COL21A1: variants seen among roughly 807,000 people sequenced by gnomAD.
COL21A1 encodes collagen type XXI alpha 1 chain, also known as collagen alpha-1(XXI) chain.
In COL21A1, 149 loss-of-function variants were observed where a neutral mutation model predicts 137.9. The ratio of observed to expected loss-of-function variants is 1.08; its 90% confidence interval spans 0.95 to 1.24. The LOEUF is 1.24. COL21A1 is among the 50% of genes most tolerant of loss of function. The probability of loss-of-function intolerance (pLI) is 0.00; values close to 1 mark genes in which losing one functional copy is unlikely to be tolerated. For synonymous variants in COL21A1, 456 were observed against 391.5 expected, an observed-to-expected ratio of 1.16 and a Z score of -1.95; for missense variants, 1,167 against 1,158.4, an observed-to-expected ratio of 1.01 and a Z score of -0.11.
rs536232093 is a variant in COL21A1, at chr6:56,100,397, T to G, written c.1812+1075A>C. On this transcript the variant is annotated intron_variant, in intron 17 of 29. Transcript: ENST00000244728. ...AATGTTTTTACAATTTTTAAAAATT[T>G]CCTACGTAAGCTTCACAACAACCCT... Among the ~76,000 whole-genome samples, 184 of 152,294 alleles carry G rather than the reference T, an allele frequency of 1.2e-3. 4 individuals are homozygous for G. Among genetic ancestry groups the G allele is most frequent in the Non-Finnish European group, 2.0e-3 (138 of 68,012 alleles).
At position 56,141,944 on chromosome 6, in the gene COL21A1, A is replaced by T; in HGVS notation, c.1474T>A (p.Ser492Thr). Residue 492 changes from serine (S) to threonine (T), a missense_variant, in exon 11 of 30, where the codon TCT becomes ACT. By Grantham distance (58) the Ser-to-Thr change is moderately conservative (BLOSUM62 1). Coordinates refer to ENST00000244728, the MANE Select transcript of COL21A1 (RefSeq NM_030820.4). Reference sequence around the variant, plus strand: ...GGATCACATACTTGTATTCCTGGAGATCCTGGAACACCTGGTGTCCCTGCA... The same window carrying T: ...GGATCACATACTTGTATTCCTGGAGTTCCTGGAACACCTGGTGTCCCTGCA... ...GIAGTPGVPG[S>T]PGIQGARGLP... The T allele has an allele frequency of 6.5e-7, 1 of 1,546,094 alleles. No homozygotes were observed.
chr6:56,105,710 A>T (rs763511140), intron 16 of COL21A1, among the ~76,000 whole-genome samples: 5 of 152,210 alleles, frequency 3.3e-5, no homozygotes, highest in Admixed American at 1.3e-4. Flanking sequence ...CTGTGAAAGG[A>T]TAAATTTTTT....
At chr6:56,354,131 A>T (rs958909963) in intron 1 of COL21A1, among the ~76,000 whole-genome samples, 1 of 152,236 alleles carries the variant, frequency 6.6e-6, no homozygotes, top group Non-Finnish European at 1.5e-5. Flanking sequence ...CAGACATTAA[A>T]AAGAACAAAC....
chr6:56,277,147 T>C (rs534118423), intron 1 of COL21A1, among the ~76,000 whole-genome samples: 3 of 152,112 alleles, frequency 2.0e-5, no homozygotes, highest in East Asian at 3.9e-4. Flanking sequence ...TGTTTTTTTG[T>C]TTTGTTTTGT....
At chr6:56,298,326 G>A (rs1764205841) in intron 1 of COL21A1, among the ~76,000 whole-genome samples, 1 of 152,076 alleles carries the variant, frequency 6.6e-6, no homozygotes, top group Admixed American at 6.6e-5. Context: ...TAAATGGAAT[G>A]CAGTTAAGTC....
intron 1 of COL21A1, among the ~76,000 whole-genome samples, chr6:56,244,866 G>A (rs571027436): frequency 6.6e-6 from 1 of 152,122 alleles, no homozygotes. Flanking sequence ...ATTTTCACTA[G>A]ATCTACTTGG....
At chr6:56,060,428 G>T in intron 27 of COL21A1, 1 of 517,728 alleles carries the variant, frequency 1.9e-6, no homozygotes. Flanking sequence ...CTTAAAATAG[G>T]GGAAAAAGTG....
At chr6:56,155,655 G>A (rs1775684841) in intron 10 of COL21A1, among the ~76,000 whole-genome samples, 1 of 152,118 alleles carries the variant, frequency 6.6e-6, no homozygotes, top group Non-Finnish European at 1.5e-5. Context: ...CACCCAGGCT[G>A]GCATGATCTC....
rs548546474 is a variant in COL21A1, at chr6:56,102,916, T to C, written c.1759-1391A>G. 2.8e-3 allele frequency among the ~76,000 whole-genome samples: 429 copies of C among 152,228 alleles called. 3 individuals are homozygous for C. Among genetic ancestry groups the C allele is most frequent in the African/African-American group, 9.8e-3 (408 of 41,542 alleles). On this transcript the variant is annotated intron_variant, in intron 16 of 29. Coordinates refer to ENST00000244728, the MANE Select transcript of COL21A1 (RefSeq NM_030820.4). ...GGGAGAGAAGTTACTGCTAATCCAA[T>C]AGCTCTACAGAAAAGCATATAAAAA...
At chr6:56,255,820 G>C (rs1421383232) in intron 1 of COL21A1, among the ~76,000 whole-genome samples, 1 of 152,156 alleles carries the variant, frequency 6.6e-6, no homozygotes, top group African/African-American at 2.4e-5. Flanking sequence ...AATGTACCTG[G>C]TAAGGTCCAA....
intron 1 of COL21A1, among the ~76,000 whole-genome samples, chr6:56,277,365 A>T (rs1017470661): frequency 1.3e-5 from 2 of 152,114 alleles, no homozygotes; most frequent in African/African-American, 4.8e-5. Flanking sequence ...TCATTGCTCA[A>T]TTCCCACCTA....
intron 1 of COL21A1, among the ~76,000 whole-genome samples, chr6:56,237,137 A>AG (rs1430835323): frequency 3.1e-5 from 2 of 63,698 alleles, no homozygotes; most frequent in Admixed American, 2.6e-4. Flanking sequence ...AAAATTCGAA[A>AG]GGAAAAAAAG....
intron 1 of COL21A1, among the ~76,000 whole-genome samples, chr6:56,189,628 G>A (rs1280839584): frequency 1.3e-5 from 2 of 152,054 alleles, no homozygotes; most frequent in East Asian, 3.9e-4. Flanking sequence ...ACACCACAAA[G>A]ATACTCCTCG....
At chr6:56,237,796 T>G (rs1392817904) in intron 1 of COL21A1, among the ~76,000 whole-genome samples, 1 of 152,102 alleles carries the variant, frequency 6.6e-6, no homozygotes, top group Non-Finnish European at 1.5e-5. Context: ...AACTGGACAT[T>G]CATTTAATTA....
At chr6:56,214,934 G>A (rs1007601821) in intron 1 of COL21A1, among the ~76,000 whole-genome samples, 1 of 152,042 alleles carries the variant, frequency 6.6e-6, no homozygotes, top group African/African-American at 2.4e-5. Context: ...CAAAGGGCAG[G>A]TTAATATATA....
chr6:56,086,424 CGTG>C (rs761930335), intron 17 of COL21A1, among the ~76,000 whole-genome samples: 10,119 of 151,814 alleles, frequency 0.067, 389 homozygotes, highest in Admixed American at 0.11. Context: ...TCAATTAATA[CGTG>C]TTTTGGATGT....
intron 17 of COL21A1, among the ~76,000 whole-genome samples, chr6:56,093,537 C>T (rs373334733): frequency 9.9e-5 from 15 of 152,248 alleles, no homozygotes; most frequent in East Asian, 3.9e-4. Context: ...GTCGCTGACC[C>T]TCTGCAATGT....
chr6:56,322,426 C>T (rs1281984637), intron 1 of COL21A1, among the ~76,000 whole-genome samples: 4 of 152,102 alleles, frequency 2.6e-5, no homozygotes, highest in Non-Finnish European at 4.4e-5. Context: ...AACACTTCCA[C>T]AACCAGGAGA....
At chr6:56,097,564 A>C (rs1209885610) in intron 17 of COL21A1, among the ~76,000 whole-genome samples, 2 of 151,010 alleles carry the variant, frequency 1.3e-5, no homozygotes, top group East Asian at 1.9e-4. Flanking sequence ...TTAAAATCTA[A>C]AGGGCCACAC....
Sources: gnomAD v4.1 joint callset for allele counts (sites outside exome capture counted in the v4.1 genomes callset) on GRCh38, gnomAD v4.1.1 for gene constraint, MANE v1.5 for transcripts, NCBI Gene and HGNC (gene_info 2026-07-23, HGNC 2026-07-21) for gene names.